Variants in LEMD3 observed in about 807,000 individuals in gnomAD.
LEMD3 encodes inner nuclear membrane protein Man1.
A neutral mutation model predicts 95.2 loss-of-function variants in LEMD3; 33 were observed. That is an observed-to-expected ratio of 0.35 (90% confidence interval 0.26 to 0.46). The LOEUF (loss-of-function observed/expected upper bound fraction) is 0.46, where lower values mean the gene tolerates loss of function less well. LEMD3 is among the 20% of genes least tolerant of loss of function. The pLI, the probability that LEMD3 is intolerant of heterozygous loss-of-function variation, is 1.00. For missense variants in LEMD3, 1,210 were observed against 1,192.8 expected (o/e 1.01, Z -0.21); for synonymous variants, 525 against 474.6 (o/e 1.11, Z -1.38).
In LEMD3 at chr12:65,170,209, C is replaced by A; in HGVS notation, c.613C>A (p.Pro205Thr). 6.7e-7 allele frequency: 1 copy of A among 1,500,264 alleles called. No homozygotes were observed. The highest frequency in any genetic ancestry group is 8.9e-7 in the Non-Finnish European group (1 of 1,123,740). The allele number at this position is 1,500,264 out of a possible 1,614,324, so 92.9% of individuals were successfully genotyped here. A position where few individuals can be genotyped will look rare whatever the true frequency, so the allele number is the denominator to read the frequency against. Residue 205 changes from proline (P) to threonine (T), a missense_variant, in exon 1 of 13, where the codon CCC (proline) becomes ACC (threonine). Physicochemically the swap from Pro to Thr is conservative, Grantham distance 38. Coordinates refer to ENST00000308330, the MANE Select transcript of LEMD3 (RefSeq NM_014319.5). Reference sequence around the variant, plus strand: ...GTGGGGGGCCAGGAGGCCGGCGGGCCCCGAGCTGCAGACCCCGCCGGGGAA... The same window carrying A: ...GTGGGGGGCCAGGAGGCCGGCGGGCACCGAGCTGCAGACCCCGCCGGGGAA... ...SWWGARRPAG[P>T]ELQTPPGKDG...
At position 65,169,613 on chromosome 12, in the gene LEMD3, C is replaced by A; in HGVS notation, c.17C>A (p.Ala6Asp). The change falls in exon 1 of 13, where the codon GCT (alanine) becomes GAT (aspartate). Residue 6 changes from alanine to aspartate, a missense_variant. By Grantham distance (126) the Ala-to-Asp change is moderately radical. Coordinates refer to ENST00000308330, the MANE Select transcript of LEMD3 (RefSeq NM_014319.5). The part of the protein sequence containing the change: MAAAA[A>D]SAPQQLSDEE... ...GGAGAGAAAATGGCGGCGGCAGCAGCTTCGGCGCCTCAGCAGCTCTCGGAT... is the reference window on the plus strand; with the variant it reads ...GGAGAGAAAATGGCGGCGGCAGCAGATTCGGCGCCTCAGCAGCTCTCGGAT... The A allele has an allele frequency of 6.3e-7, 1 of 1,587,908 alleles. No homozygotes were observed.
At chr12:65,197,254 G>A (rs1316341675) in intron 1 of LEMD3, among the ~76,000 whole-genome samples, 2 of 152,106 alleles carry the variant, frequency 1.3e-5, no homozygotes. Flanking sequence ...TGTGGCTGAA[G>A]CACATGTTTA....
At chr12:65,186,949 T>C (rs1031572289) in intron 1 of LEMD3, among the ~76,000 whole-genome samples, 1 of 152,112 alleles carries the variant, frequency 6.6e-6, no homozygotes, top group Non-Finnish European at 1.5e-5. Flanking sequence ...TGAATATAAA[T>C]AAGTTACTTA....
Position 65,170,130 on chromosome 12 carries a change from C to A in LEMD3, c.534C>A (p.Ala178=). The change falls in exon 1 of 13, where the codon GCC becomes GCA. Residue 178 remains alanine, a synonymous_variant. Transcript: ENST00000308330. ...TCAAAGCGCCGCCGGCGCCCCTGGC[C>A]GCCAGCGAGGTGACTAACAGCAACT... ...RGLKAPPAPL[A]ASEVTNSNSA... is the part of the protein sequence containing the mutation. 1 of 1,463,508 alleles carries A rather than the reference C, an allele frequency of 6.8e-7. No homozygotes were observed. Among genetic ancestry groups the A allele is most frequent in the Non-Finnish European group, 9.0e-7 (1 of 1,113,564 alleles). 90.7% of individuals were successfully genotyped at this position (1,463,508 alleles called of 1,614,324 possible). A position where few individuals can be genotyped will look rare whatever the true frequency, so the allele number is the denominator to read the frequency against.
intron 10 of LEMD3, among the ~76,000 whole-genome samples, chr12:65,244,133 C>G (rs1277206828): frequency 6.6e-6 from 1 of 152,168 alleles, no homozygotes; most frequent in Non-Finnish European, 1.5e-5. Flanking sequence ...AAAGTCCCAA[C>G]AGTGGCAATT....
At chr12:65,217,930 G>A (rs1374198436) in intron 3 of LEMD3, among the ~76,000 whole-genome samples, 1 of 152,064 alleles carries the variant, frequency 6.6e-6, no homozygotes, top group Non-Finnish European at 1.5e-5. Context: ...CTGTCTTCTC[G>A]CCTCTGCTTC....
chr12:65,236,858 T>G (rs1038152468), intron 4 of LEMD3, among the ~76,000 whole-genome samples: 6 of 152,246 alleles, frequency 3.9e-5, no homozygotes, highest in Admixed American at 3.9e-4. Flanking sequence ...GACACAATAT[T>G]TTGTTCCATG....
In LEMD3 at chr12:65,208,816, G is replaced by A. The variant is rs75652779; in HGVS notation, c.1523-2110G>A. ...AAAAAATTTTAACGAAGTTTTGTTG[G>A]GCAGAAAGTATACTCTTGGCTTTTT... On this transcript the variant is annotated intron_variant, in intron 1 of 12. Coordinates refer to ENST00000308330, the MANE Select transcript of LEMD3 (RefSeq NM_014319.5). Among the ~76,000 whole-genome samples, 1,925 of 152,146 alleles carry A rather than the reference G, an allele frequency of 0.013. 86 individuals carry two copies. In the East Asian group the frequency reaches 0.17, roughly 14 times the overall value.
intron 4 of LEMD3, among the ~76,000 whole-genome samples, chr12:65,222,152 T>A (rs563418230): frequency 3.3e-5 from 5 of 152,288 alleles, no homozygotes; most frequent in Admixed American, 2.6e-4. Context: ...TATTGAATGG[T>A]TTTATCATGA....
intron 1 of LEMD3, among the ~76,000 whole-genome samples, chr12:65,181,059 A>T (rs560186125): frequency 4.0e-5 from 6 of 150,120 alleles, no homozygotes; most frequent in Non-Finnish European, 8.8e-5. Context: ...CTTACAAAGG[A>T]TGCTTTTGCT....
At chr12:65,210,787 A>G (rs1179757671) in intron 1 of LEMD3, 139 bp from the exon 2 acceptor site, 2 of 763,762 alleles carry the variant, frequency 2.6e-6, no homozygotes, top group East Asian at 2.5e-5. Context: ...AACCTTTATT[A>G]TCACCAGTTT....
Position 65,170,497 on chromosome 12 carries a change from T to G in LEMD3, c.901T>G (p.Ser301Ala). ...SKPLPPLTAK[S>A]AGGRLETSVQ... ...GCCTCTCCCCCCGCTGACTGCTAAA[T>G]CGGCCGGCGGCAGGCTGGAGACTTC... The change falls in exon 1 of 13, where the codon TCG (serine) becomes GCG (alanine). Residue 301 changes from serine (S) to alanine (A), a missense_variant. Physicochemically the swap from Ser to Ala is moderately conservative, Grantham distance 99. Around this residue, in one of 2 missense-constraint regions of LEMD3, gnomAD observed 749 missense variants for 622.9 expected, o/e 1.20. Coordinates refer to ENST00000308330, the MANE Select transcript of LEMD3 (RefSeq NM_014319.5). 1.2e-6 allele frequency: 2 copies of G among 1,611,518 alleles called. No homozygotes were observed. The highest frequency in any genetic ancestry group is 1.7e-6 in the Non-Finnish European group (2 of 1,179,192).
chr12:65,246,606 G>A lies in LEMD3; in HGVS notation c.*281G>A. On this transcript the variant is annotated 3_prime_UTR_variant, in exon 13 of 13. Coordinates refer to ENST00000308330, the MANE Select transcript of LEMD3 (RefSeq NM_014319.5). ...ACTTTATTAAGCATTTTCAGATGTG[G>A]TGGTTGTATTTTTGCCCCAAGAAGT... 2.6e-6 allele frequency: 1 copy of A among 389,988 alleles called. No homozygotes were observed. Among genetic ancestry groups the A allele is most frequent in the South Asian group, 2.8e-5 (1 of 35,792 alleles). The allele number at this position is 389,988 out of a possible 1,614,324, so 24.2% of individuals were successfully genotyped here.
At chr12:65,187,432 G>A (rs1869101536) in intron 1 of LEMD3, among the ~76,000 whole-genome samples, 1 of 152,018 alleles carries the variant, frequency 6.6e-6, no homozygotes, top group Admixed American at 6.6e-5. Flanking sequence ...GAGGCCTAGG[G>A]AGGTTAAGAA....
At chr12:65,235,998 T>C (rs547175332) in intron 4 of LEMD3, among the ~76,000 whole-genome samples, 7 of 152,340 alleles carry the variant, frequency 4.6e-5, no homozygotes, top group Admixed American at 2.0e-4. Context: ...AATAGTAGTT[T>C]CATGTAATGA....
chr12:65,193,819 A>G (rs1369799443), intron 1 of LEMD3, among the ~76,000 whole-genome samples: 3 of 149,996 alleles, frequency 2.0e-5, no homozygotes, highest in Non-Finnish European at 3.0e-5. Context: ...CTGACTAGCT[A>G]CCTACTGTAA....
intron 4 of LEMD3, among the ~76,000 whole-genome samples, chr12:65,222,030 AC>A (rs1397963340): frequency 5.9e-5 from 9 of 152,136 alleles, no homozygotes; most frequent in Non-Finnish European, 1.2e-4. Flanking sequence ...AGTGTGAGCC[AC>A]CATGCCTGGC....
At position 65,210,973 on chromosome 12, in the gene LEMD3, C is replaced by T. The variant is rs144815611; in HGVS notation, c.1560+10C>T. 633 of 1,558,958 alleles carry T rather than the reference C, an allele frequency of 4.1e-4. 2 individuals carry two copies. The African/African-American group carries it at 7.7e-3, about 19-fold the overall frequency. Reference sequence around the variant, plus strand: ...ATTTGGAAAAATACAAGTAAGTAAACGATCATAATACTGATAATTTTGTGT... The same window carrying T: ...ATTTGGAAAAATACAAGTAAGTAAATGATCATAATACTGATAATTTTGTGT... On this transcript the variant is annotated intron_variant, in intron 2 of 12. Coordinates refer to ENST00000308330, the MANE Select transcript of LEMD3 (RefSeq NM_014319.5).
chr12:65,193,571 C>T (rs751918542), intron 1 of LEMD3, among the ~76,000 whole-genome samples: 19 of 152,096 alleles, frequency 1.2e-4, no homozygotes, highest in Non-Finnish European at 2.1e-4. Flanking sequence ...GGAGCCCACT[C>T]GCCCGACTCC....
Sources: allele counts gnomAD v4.1 joint callset (sites outside exome capture counted in the v4.1 genomes callset), GRCh38; gene constraint gnomAD v4.1.1; regional missense constraint gnomAD v4.1.1; transcripts MANE v1.5; gene names NCBI Gene and HGNC (gene_info 2026-07-23, HGNC 2026-07-21).